The following DCC variants were observed in gnomAD, a reference collection of about 807,000 sequenced individuals.
DCC encodes DCC netrin 1 receptor.
In DCC, 58 loss-of-function variants were observed where a neutral mutation model predicts 172.5. The observed-to-expected ratio is 0.34, with a 90% CI of 0.27 to 0.42. The LOEUF (loss-of-function observed/expected upper bound fraction) is 0.42, where lower values mean the gene tolerates loss of function less well. Among genes scored for constraint, DCC ranks in the 10% least tolerant of loss-of-function variants. The pLI, the probability that DCC is intolerant of heterozygous loss-of-function variation, is 1.00. For synonymous variants in DCC, 709 were observed against 644.5 expected (o/e 1.10, Z -1.52); for missense variants, 1,740 against 1,791.0 (o/e 0.97, Z 0.51).
chr18:53,446,667 C>T (rs1004502915), intron 22 of DCC, among the ~76,000 whole-genome samples: 11 of 152,164 alleles, frequency 7.2e-5, no homozygotes, highest in African/African-American at 2.7e-4. Context: ...CAAATCAATA[C>T]TCACAGTGTT....
intron 2 of DCC, among the ~76,000 whole-genome samples, chr18:52,818,672 A>G (rs1447999923): frequency 1.3e-5 from 2 of 152,206 alleles, no homozygotes; most frequent in African/African-American, 4.8e-5. Flanking sequence ...CGTTTTATTT[A>G]GGTAGCATCT....
rs187105376 is a variant in DCC at position 53,297,816 on chromosome 18, A to G, written c.1912-7762A>G. On this transcript the variant is annotated intron_variant, in intron 12 of 28. Transcript: ENST00000442544. ...TTTGGAGCCTCCAGCTGTATCATCT[A>G]CTAAAGAACCTAAGAAGAAAGAATC... 2.0e-5 allele frequency among the ~76,000 whole-genome samples: 3 copies of G among 152,342 alleles called. No individual in the cohort carries two copies. In the East Asian group the frequency reaches 5.8e-4, roughly 29 times the overall value.
Position 53,397,320 on chromosome 18 carries a change from A to G in DCC, c.2701A>G (p.Thr901Ala), listed in dbSNP as rs751742206. The change falls in exon 18 of 29, where the codon ACA (threonine) becomes GCA (alanine). Residue 901 changes from threonine to alanine, a missense_variant. Thr to Ala is a moderately conservative substitution (Grantham distance 58, BLOSUM62 0). Coordinates refer to ENST00000442544, the MANE Select transcript of DCC (RefSeq NM_005215.4). ...ASAKYKSEDT[T>A]SLSYTATGLK... Reference sequence around the variant, plus strand: ...CCTACTTGTATAGTCAGAAGACACAACATCTCTAAGTTACACAGCAACAGG... The same window carrying G: ...CCTACTTGTATAGTCAGAAGACACAGCATCTCTAAGTTACACAGCAACAGG... 6.2e-6 allele frequency: 10 copies of G among 1,613,614 alleles called. No homozygotes were observed. The highest frequency in any genetic ancestry group is 8.5e-6 in the Non-Finnish European group (10 of 1,179,786).
intron 2 of DCC, among the ~76,000 whole-genome samples, chr18:52,772,563 A>T (rs546428784): frequency 2.0e-5 from 3 of 152,208 alleles, no homozygotes; most frequent in Non-Finnish European, 4.4e-5. Context: ...TGTGCAACAA[A>T]GGGAAAAGCA....
intron 15 of DCC, among the ~76,000 whole-genome samples, chr18:53,357,490 C>G (rs1240242173): frequency 3.9e-5 from 6 of 152,040 alleles, no homozygotes; most frequent in Non-Finnish European, 8.8e-5. Context: ...TGCACTTTAG[C>G]CGACTCAAGA....
chr18:53,086,343 C>T (rs1235818200), intron 7 of DCC, among the ~76,000 whole-genome samples: 1 of 35,336 alleles, frequency 2.8e-5, no homozygotes, highest in Admixed American at 2.2e-4. Flanking sequence ...TCTTCTTCTT[C>T]TTCTTCTTCC....
At chr18:52,538,278 A>G (rs559696579) in intron 1 of DCC, among the ~76,000 whole-genome samples, 41 of 152,212 alleles carry the variant, frequency 2.7e-4, no homozygotes, top group African/African-American at 9.4e-4. Context: ...AGTCAACCTC[A>G]ACTTTCCAAA....
intron 1 of DCC, among the ~76,000 whole-genome samples, chr18:52,515,522 G>A (rs2031600184): frequency 6.9e-6 from 1 of 145,794 alleles, no homozygotes; most frequent in Non-Finnish European, 1.5e-5. Context: ...CAGGAGAATG[G>A]CGTGAACCCA....
chr18:52,356,938 A>G (rs1984393277), intron 1 of DCC, among the ~76,000 whole-genome samples: 1 of 152,092 alleles, frequency 6.6e-6, no homozygotes, highest in African/African-American at 2.4e-5. Context: ...GCCTACCACC[A>G]CACCTGGCTA....
intron 2 of DCC, among the ~76,000 whole-genome samples, chr18:52,821,056 T>TTTCTC (rs750539857): frequency 1.3e-5 from 2 of 152,256 alleles, no homozygotes; most frequent in Admixed American, 6.5e-5. Context: ...TATTTCATAG[T>TTTCTC]TTCTCTTCTC....
intron 5 of DCC, among the ~76,000 whole-genome samples, 182 bp from the exon 6 acceptor site, chr18:53,063,123 T>C (rs535794560): frequency 3.9e-5 from 6 of 152,278 alleles, no homozygotes; most frequent in Admixed American, 1.3e-4. Flanking sequence ...TTAACTGCAT[T>C]TGGGGGAACA....
chr18:53,335,347 T>G lies in DCC; in HGVS notation c.2165-4366T>G, dbSNP rs373086853. On this transcript the variant is annotated intron_variant, in intron 14 of 28. Transcript: ENST00000442544. The stretch of plus-strand genomic sequence containing the variant: ...CTTATTTGTTTATTAGGACTTATGT[T>G]TTGTCTTTCCTCTCCCACCACTATA... Among the ~76,000 whole-genome samples, 42 of 152,296 alleles carry G rather than the reference T, an allele frequency of 2.8e-4. No individual in the cohort carries two copies. In the South Asian group the frequency reaches 6.8e-3, roughly 25 times the overall value.
intron 1 of DCC, among the ~76,000 whole-genome samples, chr18:52,683,695 G>C (rs1359175873): frequency 6.6e-6 from 1 of 152,026 alleles, no homozygotes; most frequent in Admixed American, 6.6e-5. Context: ...TTCACTGATG[G>C]AAAGGGGAGA....
chr18:52,891,277 G>T (rs1017479724), intron 2 of DCC, among the ~76,000 whole-genome samples: 9 of 151,988 alleles, frequency 5.9e-5, no homozygotes, highest in Non-Finnish European at 1.0e-4. Context: ...TAGACAGGCA[G>T]CTCCCTTAGG....
At chr18:52,918,232 GA>G (rs1272923477) in intron 3 of DCC, among the ~76,000 whole-genome samples, 1 of 152,054 alleles carries the variant, frequency 6.6e-6, no homozygotes, top group East Asian at 1.9e-4. Flanking sequence ...TAATTTACTG[GA>G]AAAGTCTTTA....
intron 18 of DCC, 103 bp downstream of exon 18, chr18:53,397,549 C>A (rs916460867): frequency 2.4e-6 from 3 of 1,254,340 alleles, no homozygotes; most frequent in Admixed American, 3.7e-5. Flanking sequence ...TATACCTTAT[C>A]CTATATAAAA....
chr18:52,415,309 CT>C (rs140152606), intron 1 of DCC, among the ~76,000 whole-genome samples: 1,599 of 152,272 alleles, frequency 0.011, 39 homozygotes, highest in East Asian at 0.09. Context: ...GGCATAGTGC[CT>C]CTGATTTCAA....
chr18:53,273,507 A>T (rs1413558168), intron 12 of DCC, among the ~76,000 whole-genome samples: 2 of 152,134 alleles, frequency 1.3e-5, no homozygotes, highest in Admixed American at 1.3e-4. Context: ...GAAAAAACAA[A>T]TTATCCAATT....
intron 5 of DCC, among the ~76,000 whole-genome samples, chr18:52,933,371 C>T (rs767228875): frequency 6.6e-6 from 1 of 151,020 alleles, no homozygotes; most frequent in Non-Finnish European, 1.5e-5. Context: ...GACAAGGGAC[C>T]CTGAATAAAG....
Sources: allele counts gnomAD v4.1 joint callset (sites outside exome capture counted in the v4.1 genomes callset), GRCh38; gene constraint gnomAD v4.1.1; transcripts MANE v1.5; gene names NCBI Gene and HGNC (gene_info 2026-07-23, HGNC 2026-07-21).